Variants in POFUT3 observed in about 807,000 individuals in gnomAD.
POFUT3 encodes the protein GDP-fucose protein O-fucosyltransferase 3.
the POFUT3 span, among the ~76,000 whole-genome samples, chr8:33,361,919 T>A: frequency 3.3e-5 from 5 of 151,964 alleles, no homozygotes; most frequent in African/African-American, 4.8e-5. Flanking sequence ...TAAAAAAAAA[T>A]GATTTTTAAA....
At chr8:33,411,792 AAAAAAT>A in the POFUT3 span, among the ~76,000 whole-genome samples, 1 of 152,176 alleles carries the variant, frequency 6.6e-6, no homozygotes, top group Non-Finnish European at 1.5e-5. Flanking sequence ...CCATCTCAAA[AAAAAAT>A]AAAAATAAAA....
the POFUT3 span, among the ~76,000 whole-genome samples, chr8:33,432,949 T>C: frequency 4.6e-5 from 7 of 152,234 alleles, no homozygotes; most frequent in Middle Eastern, 6.8e-3. Flanking sequence ...AATCATTCAT[T>C]GAGGCCAGGC....
At chr8:33,438,245 C>A in the POFUT3 span, among the ~76,000 whole-genome samples, 1 of 151,936 alleles carries the variant, frequency 6.6e-6, no homozygotes, top group Non-Finnish European at 1.5e-5. Context: ...ATATATACAC[C>A]TGTATATATG....
chr8:33,378,798 A>G, the POFUT3 span, among the ~76,000 whole-genome samples: 2 of 152,170 alleles, frequency 1.3e-5, no homozygotes, highest in African/African-American at 2.4e-5. Context: ...GATAATTATT[A>G]TTACTGGAAA....
chr8:33,437,557 T>A, the POFUT3 span, among the ~76,000 whole-genome samples: 266 of 152,284 alleles, frequency 1.7e-3, 3 homozygotes, highest in Admixed American at 3.9e-3. Flanking sequence ...ACACCTGTAA[T>A]CCCAGCACTG....
the POFUT3 span, among the ~76,000 whole-genome samples, chr8:33,457,698 A>G: frequency 6.6e-6 from 1 of 152,146 alleles, no homozygotes; most frequent in African/African-American, 2.4e-5. Context: ...GTGAAATGCT[A>G]TTATGTCCTG....
At chr8:33,374,387 A>G in the POFUT3 span, among the ~76,000 whole-genome samples, 1 of 152,228 alleles carries the variant, frequency 6.6e-6, no homozygotes, top group African/African-American at 2.4e-5. Flanking sequence ...ATGAAGGGAC[A>G]TTCTACAAAA....
At chr8:33,402,150 T>C in the POFUT3 span, among the ~76,000 whole-genome samples, 3 of 152,216 alleles carry the variant, frequency 2.0e-5, no homozygotes, top group African/African-American at 7.2e-5. Flanking sequence ...CAGAGCATAT[T>C]GTCCATGTGT....
chr8:33,356,825 A>C, the POFUT3 span, among the ~76,000 whole-genome samples: 1 of 152,110 alleles, frequency 6.6e-6, no homozygotes, highest in African/African-American at 2.4e-5. Context: ...TAAGTCTTTA[A>C]TCCATCTTGA....
the POFUT3 span, among the ~76,000 whole-genome samples, chr8:33,366,160 G>A: frequency 6.6e-6 from 1 of 152,146 alleles, no homozygotes; most frequent in Non-Finnish European, 1.5e-5. Flanking sequence ...CACAAGGACA[G>A]AAAACCAAAC....
chr8:33,439,173 G>A, the POFUT3 span, among the ~76,000 whole-genome samples: 1 of 152,092 alleles, frequency 6.6e-6, no homozygotes, highest in East Asian at 1.9e-4. Flanking sequence ...TGAAGGCCAA[G>A]GTGGGTGGAT....
chr8:33,409,086 T>C, the POFUT3 span, among the ~76,000 whole-genome samples: 1 of 152,168 alleles, frequency 6.6e-6, no homozygotes, highest in Non-Finnish European at 1.5e-5. Context: ...CAAAGATCTA[T>C]GGTCATTTTC....
the POFUT3 span, among the ~76,000 whole-genome samples, chr8:33,411,472 T>A: frequency 5.9e-5 from 9 of 152,338 alleles, no homozygotes; most frequent in East Asian, 9.6e-4. Context: ...TGAATTTTTT[T>A]TAAAATCTTC....
At chr8:33,375,107 G>C in the POFUT3 span, among the ~76,000 whole-genome samples, 2 of 151,592 alleles carry the variant, frequency 1.3e-5, 1 homozygote, top group South Asian at 4.2e-4. Context: ...GTCCAGGTTG[G>C]TCTTGAAATC....
chr8:33,395,892 T>A, the POFUT3 span, among the ~76,000 whole-genome samples: 1 of 152,014 alleles, frequency 6.6e-6, no homozygotes, highest in Non-Finnish European at 1.5e-5. Flanking sequence ...GGAGGCCAAG[T>A]AAACAAGTAA....
chr8:33,336,779 G>A, the POFUT3 span, among the ~76,000 whole-genome samples: 1 of 152,188 alleles, frequency 6.6e-6, no homozygotes, highest in African/African-American at 2.4e-5. Context: ...AGGAACTGAA[G>A]TTGTCCTGCC....
chr8:33,406,244 A>G, the POFUT3 span, among the ~76,000 whole-genome samples: 48,513 of 151,914 alleles, frequency 0.32, 7,910 homozygotes, highest in South Asian at 0.44. Flanking sequence ...GAAAAAAAAA[A>G]TCTTCAAAAT....
the POFUT3 span, among the ~76,000 whole-genome samples, chr8:33,422,311 G>C: frequency 1.3e-5 from 2 of 151,708 alleles, no homozygotes; most frequent in Non-Finnish European, 2.9e-5. Context: ...GGGAGGCCAA[G>C]ATGGGTGGAT....
chr8:33,404,553 C>A, the POFUT3 span, among the ~76,000 whole-genome samples: 116 of 152,162 alleles, frequency 7.6e-4, no homozygotes, highest in African/African-American at 2.6e-3. Flanking sequence ...AACTGCTGAA[C>A]AAAACAGGTC....
Sources: allele counts gnomAD v4.1 joint callset (sites outside exome capture counted in the v4.1 genomes callset), GRCh38; gene constraint gnomAD v4.1.1; transcripts MANE v1.5; gene names NCBI Gene and HGNC (gene_info 2026-07-23, HGNC 2026-07-21).